ERI3: variants seen among roughly 807,000 people sequenced by gnomAD.
The protein encoded by ERI3 is ERI1 exoribonuclease 3.
In ERI3, 18 loss-of-function variants were observed where a neutral mutation model predicts 44.4. The ratio of observed to expected loss-of-function variants is 0.41; its 90% CI spans 0.28 to 0.60. The LOEUF (loss-of-function observed/expected upper bound fraction) is 0.60. ERI3 is among the 20% of genes least tolerant of loss of function. ERI3 has a pLI of 0.36. For synonymous variants in ERI3, 183 were observed against 164.8 expected (o/e 1.11, Z -0.84); for missense variants, 294 against 435.5 (o/e 0.68, Z 2.89).
chr1:44,338,136 A>C (rs1646573100), intron 3 of ERI3, among the ~76,000 whole-genome samples: 1 of 152,246 alleles, frequency 6.6e-6, no homozygotes, highest in African/African-American at 2.4e-5. Flanking sequence ...AAAAAAAGCA[A>C]GCAAAGAAAT....
chr1:44,277,115 A>G (rs1356639602), intron 7 of ERI3, among the ~76,000 whole-genome samples: 2 of 152,190 alleles, frequency 1.3e-5, no homozygotes, highest in Non-Finnish European at 2.9e-5. Flanking sequence ...TCACACAGAA[A>G]AATAAAAGCC....
chr1:44,330,162 T>A (rs1379227374), intron 3 of ERI3, among the ~76,000 whole-genome samples: 1 of 152,196 alleles, frequency 6.6e-6, no homozygotes, highest in East Asian at 1.9e-4. Context: ...CAGTAATACA[T>A]TCAAATTTCC....
intron 7 of ERI3, among the ~76,000 whole-genome samples, chr1:44,276,665 T>C (rs1645186140): frequency 6.6e-6 from 1 of 152,238 alleles, no homozygotes; most frequent in Non-Finnish European, 1.5e-5. Flanking sequence ...CTATATCCAC[T>C]ATACCAATTC....
chr1:44,270,142 C>A (rs1047661552), intron 7 of ERI3, among the ~76,000 whole-genome samples: 11 of 152,018 alleles, frequency 7.2e-5, no homozygotes, highest in African/African-American at 2.4e-4. Context: ...ACAGCAAAAT[C>A]AAAAGAAGGG....
At chr1:44,249,476 C>T (rs1268749150) in intron 7 of ERI3, among the ~76,000 whole-genome samples, 1 of 152,220 alleles carries the variant, frequency 6.6e-6, no homozygotes, top group Non-Finnish European at 1.5e-5. Context: ...TCCACCCTTC[C>T]TTTCCAGCTG....
chr1:44,350,163 C>G (rs1210445599), intron 2 of ERI3, among the ~76,000 whole-genome samples: 6 of 152,138 alleles, frequency 3.9e-5, no homozygotes, highest in African/African-American at 1.4e-4. Flanking sequence ...TCAAGAAGTT[C>G]GAATTAATTG....
intron 6 of ERI3, among the ~76,000 whole-genome samples, chr1:44,300,803 CT>C (rs1645708108): frequency 6.6e-6 from 1 of 152,182 alleles, no homozygotes; most frequent in South Asian, 2.1e-4. Context: ...CGGAGCACCC[CT>C]AGCTCCTCCA....
intron 7 of ERI3, among the ~76,000 whole-genome samples, chr1:44,253,352 T>C (rs1278960484): frequency 6.6e-6 from 1 of 152,178 alleles, no homozygotes; most frequent in Non-Finnish European, 1.5e-5. Context: ...AGTACTTTCC[T>C]CCAGGTATAT....
intron 3 of ERI3, chr1:44,322,888 T>C (rs1238010429): frequency 8.4e-6 from 13 of 1,539,802 alleles, no homozygotes; most frequent in South Asian, 1.2e-5. Flanking sequence ...TTTTAGCTGA[T>C]AATGATCAGA....
intron 8 of ERI3, among the ~76,000 whole-genome samples, chr1:44,240,393 G>A (rs1363789691): frequency 1.3e-5 from 2 of 152,160 alleles, no homozygotes; most frequent in Non-Finnish European, 2.9e-5. Context: ...CTCTGCCTAC[G>A]GTACAAGGAT....
intron 6 of ERI3, among the ~76,000 whole-genome samples, chr1:44,288,517 A>G (rs1645439265): frequency 6.6e-6 from 1 of 152,212 alleles, no homozygotes; most frequent in South Asian, 2.1e-4. Flanking sequence ...AGAGAGGATC[A>G]AGACAGGAAA....
chr1:44,290,773 G>C (rs1438479129), intron 6 of ERI3, among the ~76,000 whole-genome samples: 2 of 152,306 alleles, frequency 1.3e-5, no homozygotes, highest in Non-Finnish European at 2.9e-5. Flanking sequence ...AAGTTGAGGA[G>C]AGTAGCTAGT....
intron 6 of ERI3, among the ~76,000 whole-genome samples, chr1:44,302,702 C>A (rs771402141): frequency 1.3e-5 from 2 of 152,184 alleles, no homozygotes; most frequent in African/African-American, 2.4e-5. Context: ...CAACAGCCCA[C>A]GGTGTCAGAA....
At chr1:44,240,721 C>T (rs1017744859) in intron 8 of ERI3, among the ~76,000 whole-genome samples, 17 of 152,138 alleles carry the variant, frequency 1.1e-4, no homozygotes, top group African/African-American at 4.1e-4. Flanking sequence ...TGATTCAGAC[C>T]AGACCAAACA....
At chr1:44,287,194 T>C (rs1645411073) in intron 6 of ERI3, among the ~76,000 whole-genome samples, 1 of 152,184 alleles carries the variant, frequency 6.6e-6, no homozygotes, top group South Asian at 2.1e-4. Context: ...AGGTCACAAG[T>C]AATCTTGGCG....
At chr1:44,310,970 C>CGT (rs1645957164) in intron 5 of ERI3, among the ~76,000 whole-genome samples, 5 of 50,244 alleles carry the variant, frequency 1.0e-4, no homozygotes, top group Non-Finnish European at 2.0e-4. Flanking sequence ...CGCGCACACA[C>CGT]ACACACACAC....
At chr1:44,292,337 C>G (rs1645524390) in intron 6 of ERI3, among the ~76,000 whole-genome samples, 1 of 152,188 alleles carries the variant, frequency 6.6e-6, no homozygotes, top group Non-Finnish European at 1.5e-5. Flanking sequence ...AATCAGCACA[C>G]AAATACCAAG....
At chr1:44,315,818 T>G (rs1646076648) in intron 4 of ERI3, among the ~76,000 whole-genome samples, 1 of 152,170 alleles carries the variant, frequency 6.6e-6, no homozygotes, top group South Asian at 2.1e-4. Flanking sequence ...CCACCCCTTT[T>G]CAGCTCTGCC....
intron 7 of ERI3, among the ~76,000 whole-genome samples, chr1:44,264,825 C>CTAATAAA (rs2154320619): frequency 6.6e-6 from 1 of 152,356 alleles, no homozygotes; most frequent in East Asian, 1.9e-4. Context: ...CCTAATTAGC[C>CTAATAAA]TAATAAAGCC....
Sources: gnomAD v4.1 joint callset for allele counts (sites outside exome capture counted in the v4.1 genomes callset) on GRCh38, gnomAD v4.1.1 for gene constraint, MANE v1.5 for transcripts, NCBI Gene and HGNC (gene_info 2026-07-23, HGNC 2026-07-21) for gene names.